SORBS2: variants seen among roughly 807,000 people sequenced by gnomAD.
The protein encoded by SORBS2 is sorbin and SH3 domain-containing protein 2.
Under a neutral mutation model 97.7 loss-of-function variants are expected in SORBS2, and 46 were observed. The observed-to-expected ratio is 0.47, with a 90% CI of 0.37 to 0.60. SORBS2 has a LOEUF of 0.60. Ranked by LOEUF, SORBS2 falls within the 20% of genes least tolerant of loss-of-function variation. SORBS2 has a pLI of 0.00. For synonymous variants in SORBS2, 476 were observed against 473.4 expected (o/e 1.01, Z -0.07); for missense variants, 1,316 against 1,282.3 (o/e 1.03, Z -0.40).
At chr4:185,819,212 T>C (rs2099195210) in intron 1 of SORBS2, among the ~76,000 whole-genome samples, 1 of 152,238 alleles carries the variant, frequency 6.6e-6, no homozygotes, top group African/African-American at 2.4e-5. Context: ...TCTAGGCTAG[T>C]AGAAAATTGG....
chr4:185,661,368 G>A (rs2097517842), upstream of SORBS2, among the ~76,000 whole-genome samples: 1 of 151,904 alleles, frequency 6.6e-6, no homozygotes. Flanking sequence ...GTACAGCAAA[G>A]CTTCTTTCAC....
intron 1 of SORBS2, among the ~76,000 whole-genome samples, chr4:185,936,256 C>G (rs1488832158): frequency 6.6e-6 from 1 of 152,220 alleles, no homozygotes; most frequent in Non-Finnish European, 1.5e-5. Context: ...ACAAGAAAAG[C>G]ACCAAGGCAC....
At chr4:185,714,596 A>G (rs2098450014) in intron 2 of SORBS2, among the ~76,000 whole-genome samples, 1 of 152,214 alleles carries the variant, frequency 6.6e-6, no homozygotes, top group Non-Finnish European at 1.5e-5. Flanking sequence ...TGGGTAATTT[A>G]TAAAGGAAAG....
chr4:185,922,981 G>A lies in SORBS2; in HGVS notation c.-338+33215C>T, dbSNP rs563779960. 4.6e-5 allele frequency among the ~76,000 whole-genome samples: 7 copies of A among 152,270 alleles called. No individual in the cohort carries two copies. In the East Asian group the frequency reaches 7.7e-4, roughly 17 times the overall value. ...GTCAAGTTAGATACAAACCCTGAAC[G>A]AAGCTTTCTAAGAGGCCTTTGGGAA... On this transcript the variant is annotated intron_variant, in intron 1 of 20. Coordinates refer to the SORBS2 transcript ENST00000284776.
chr4:185,883,950 C>T (rs993141901), intron 1 of SORBS2, among the ~76,000 whole-genome samples: 1 of 152,224 alleles, frequency 6.6e-6, no homozygotes, highest in African/African-American at 2.4e-5. Context: ...CGTAAGTCCA[C>T]ATACTGTATG....
chr4:185,617,064 G>A (rs1459254328), intron 9 of SORBS2, among the ~76,000 whole-genome samples: 2 of 152,096 alleles, frequency 1.3e-5, no homozygotes, highest in Non-Finnish European at 2.9e-5. Context: ...TTAAAATTAA[G>A]ACTTCTCAGA....
intron 1 of SORBS2, among the ~76,000 whole-genome samples, chr4:185,654,398 C>T (rs1339182662): frequency 1.3e-5 from 2 of 152,140 alleles, no homozygotes; most frequent in African/African-American, 4.8e-5. Context: ...AAAATGTTTT[C>T]CTGGACGTGC....
At chr4:185,776,781 T>A (rs779964404) in intron 1 of SORBS2, among the ~76,000 whole-genome samples, 6 of 151,428 alleles carry the variant, frequency 4.0e-5, no homozygotes, top group Non-Finnish European at 7.4e-5. Flanking sequence ...GCGCCTGTAG[T>A]CCCAGCTACT....
chr4:185,775,308 T>C (rs2098994494), exon 2 of SORBS2: 1 of 152,620 alleles, frequency 6.6e-6, no homozygotes, highest in South Asian at 2.1e-4. Flanking sequence ...ATTGTTTATT[T>C]AGCCCTTTTT....
intron 2 of SORBS2, among the ~76,000 whole-genome samples, chr4:185,696,653 G>A (rs948719827): frequency 2.0e-5 from 3 of 152,056 alleles, no homozygotes; most frequent in Non-Finnish European, 4.4e-5. Context: ...TGTTGGCCAG[G>A]CTGGTCTCGA....
At chr4:185,705,101 G>A (rs1266056989) in intron 2 of SORBS2, among the ~76,000 whole-genome samples, 1 of 152,212 alleles carries the variant, frequency 6.6e-6, no homozygotes, top group Non-Finnish European at 1.5e-5. Flanking sequence ...TACACATGCT[G>A]TTGTGTTCCC....
intron 9 of SORBS2, among the ~76,000 whole-genome samples, chr4:185,617,260 G>C (rs908337462): frequency 1.2e-4 from 18 of 152,060 alleles, no homozygotes; most frequent in Non-Finnish European, 8.8e-5. Flanking sequence ...CCACAGAACA[G>C]TAGTTAGGAC....
chr4:185,880,675 C>T (rs1286993269), intron 1 of SORBS2, among the ~76,000 whole-genome samples: 2 of 152,168 alleles, frequency 1.3e-5, no homozygotes, highest in Non-Finnish European at 2.9e-5. Context: ...TTTTCTCACC[C>T]CTTTCCATCA....
chr4:185,734,309 C>T (rs551173007), intron 2 of SORBS2, among the ~76,000 whole-genome samples, 155 bp from the exon 3 acceptor site: 6 of 152,188 alleles, frequency 3.9e-5, no homozygotes, highest in Non-Finnish European at 8.8e-5. Context: ...TCAGAACAAA[C>T]ACCGCGGAAA....
At chr4:185,874,633 A>G (rs1464839435) in intron 1 of SORBS2, among the ~76,000 whole-genome samples, 2 of 152,140 alleles carry the variant, frequency 1.3e-5, no homozygotes, top group Non-Finnish European at 2.9e-5. Context: ...CACACATTCC[A>G]TTCTCTACTG....
In SORBS2 at chr4:185,720,426, C is replaced by T. The variant is rs565140462; in HGVS notation, c.-197-41604G>A. Among the ~76,000 whole-genome samples the T allele has an allele frequency of 5.9e-5, 9 of 152,300 alleles. No individual in the cohort carries two copies. The East Asian group carries it at 1.7e-3, about 29-fold the overall frequency. On this transcript the variant is annotated intron_variant, in intron 2 of 20. Coordinates refer to the SORBS2 transcript ENST00000284776. The stretch of plus-strand genomic sequence containing the variant: ...CTTCTAACTGTCTTGGGTTGAGTGA[C>T]ACGGCGGCTATTGAACGTATTTCTG...
chr4:185,721,084 CT>C (rs1160319469), intron 2 of SORBS2, among the ~76,000 whole-genome samples: 1,725 of 92,122 alleles, frequency 0.019, 39 homozygotes, highest in Admixed American at 0.09. Flanking sequence ...CCCACCTATT[CT>C]TTTTTTTTTT....
intron 1 of SORBS2, among the ~76,000 whole-genome samples, chr4:185,867,336 AG>A (rs1457068881): frequency 2.0e-5 from 3 of 152,240 alleles, no homozygotes; most frequent in Admixed American, 6.5e-5. Context: ...AGATGAAAAT[AG>A]AACTTCCTAT....
chr4:185,702,661 T>A (rs1480542612), intron 2 of SORBS2, among the ~76,000 whole-genome samples: 1 of 62,872 alleles, frequency 1.6e-5, no homozygotes, highest in Non-Finnish European at 5.1e-5. Flanking sequence ...TTACATGACT[T>A]TTTTTTTTTT....
Sources: gnomAD v4.1 joint callset for allele counts (sites outside exome capture counted in the v4.1 genomes callset) on GRCh38, gnomAD v4.1.1 for gene constraint, MANE v1.5 for transcripts, NCBI Gene and HGNC (gene_info 2026-07-23, HGNC 2026-07-21) for gene names.